The following FAM53A variants were observed in gnomAD, a reference collection of about 807,000 sequenced individuals.
FAM53A encodes protein FAM53A.
In FAM53A, 28 loss-of-function variants were observed where a neutral mutation model predicts 26.6. The observed-to-expected ratio is 1.05, with a 90% CI of 0.78 to 1.45. The LOEUF (loss-of-function observed/expected upper bound fraction) is 1.45. FAM53A is among the 40% of genes most tolerant of loss of function. The pLI, the probability that FAM53A is intolerant of heterozygous loss-of-function variation, is 0.00. For synonymous variants in FAM53A, 290 were observed against 253.1 expected (o/e 1.15, Z -1.38); for missense variants, 650 against 575.8 (o/e 1.13, Z -1.32).
the FAM53A span, among the ~76,000 whole-genome samples, chr4:1,602,575 A>G: frequency 2.6e-5 from 4 of 152,230 alleles, no homozygotes; most frequent in Non-Finnish European, 4.4e-5. Flanking sequence ...AAAATAAACA[A>G]TAAGAGAGCA....
intron 1 of FAM53A, chr4:1,618,142 G>A: frequency 2.2e-6 from 1 of 456,306 alleles, no homozygotes; most frequent in Non-Finnish European, 4.4e-6. Context: ...GGTGAGTGCT[G>A]CCTCTTGGGG....
At chr4:1,637,180 C>A (rs1715881143), downstream of FAM53A, among the ~76,000 whole-genome samples, 1 of 151,330 alleles carries the variant, frequency 6.6e-6, no homozygotes, top group Admixed American at 6.6e-5. Flanking sequence ...CTCCGGCACC[C>A]ATGCTCGGGT....
chr4:1,656,671 G>C (rs927686674), intron 3 of FAM53A, among the ~76,000 whole-genome samples: 2 of 152,176 alleles, frequency 1.3e-5, no homozygotes, highest in East Asian at 3.8e-4. Flanking sequence ...AGGCCCGGCA[G>C]GGGGTGGGGC....
chr4:1,586,509 C>G, the FAM53A span, among the ~76,000 whole-genome samples: 2 of 152,052 alleles, frequency 1.3e-5, no homozygotes, highest in African/African-American at 2.4e-5. Context: ...GGCGCGGTGG[C>G]TCACACCTGT....
chr4:1,646,381 G>C (rs763271568), intron 4 of FAM53A, among the ~76,000 whole-genome samples: 147 of 152,288 alleles, frequency 9.7e-4, no homozygotes, highest in Admixed American at 1.8e-3. Context: ...TTACAGGCGT[G>C]AGCCACTGTG....
chr4:1,607,880 CA>C, the FAM53A span, among the ~76,000 whole-genome samples: 235 of 151,168 alleles, frequency 1.6e-3, no homozygotes, highest in East Asian at 0.016. Flanking sequence ...GCAGAGGTTG[CA>C]GTGAGCCGAG....
intron 3 of FAM53A, 41 bp from the exon 4 acceptor site, chr4:1,655,764 G>A (rs755532437): frequency 1.3e-6 from 2 of 1,496,498 alleles, no homozygotes; most frequent in Non-Finnish European, 1.8e-6. Flanking sequence ...AGAGACAGGT[G>A]AGCCACAGGG....
At chr4:1,683,958 C>A (rs1437735879) in intron 1 of FAM53A, 1 of 152,160 alleles carries the variant, frequency 6.6e-6, no homozygotes, top group Non-Finnish European at 1.5e-5. Flanking sequence ...CCCCGTTTAC[C>A]ACGGCGACTC....
At chr4:1,578,659 C>T in the FAM53A span, among the ~76,000 whole-genome samples, 2 of 149,946 alleles carry the variant, frequency 1.3e-5, no homozygotes, top group African/African-American at 2.5e-5. Context: ...TCGCGACCCC[C>T]CTACCCCGAA....
intron 1 of FAM53A, among the ~76,000 whole-genome samples, chr4:1,623,893 G>A (rs892666947): frequency 1.2e-4 from 18 of 152,304 alleles, no homozygotes; most frequent in South Asian, 2.1e-4. Context: ...TCTGGCGGGC[G>A]GGGAGAAGTG....
the FAM53A span, among the ~76,000 whole-genome samples, chr4:1,579,658 A>T: frequency 6.6e-6 from 1 of 151,242 alleles, no homozygotes; most frequent in East Asian, 1.9e-4. Flanking sequence ...GCGAGGCGTG[A>T]GTGAGTTACG....
chr4:1,637,011 G>A (rs1056666652), downstream of FAM53A, among the ~76,000 whole-genome samples: 3 of 152,222 alleles, frequency 2.0e-5, no homozygotes, highest in African/African-American at 4.8e-5. Flanking sequence ...GCGAGCACGA[G>A]AACAAGGAGC....
downstream of FAM53A, among the ~76,000 whole-genome samples, chr4:1,615,592 C>G (rs555517284): frequency 2.8e-5 from 4 of 145,322 alleles, no homozygotes; most frequent in East Asian, 8.3e-4. Flanking sequence ...TGGGCACGCA[C>G]GGAAGACAGG....
chr4:1,680,481 C>A (rs1715358204), intron 1 of FAM53A, among the ~76,000 whole-genome samples: 1 of 152,144 alleles, frequency 6.6e-6, no homozygotes, highest in Non-Finnish European at 1.5e-5. Context: ...TTGGTATTCA[C>A]CCAAAGGAAC....
the FAM53A span, among the ~76,000 whole-genome samples, chr4:1,602,288 G>T: frequency 2.0e-5 from 3 of 152,242 alleles, no homozygotes; most frequent in Admixed American, 6.5e-5. Flanking sequence ...CCAAATGAAA[G>T]TCTGTTTAGG....
the FAM53A span, among the ~76,000 whole-genome samples, chr4:1,611,473 G>T: frequency 2.6e-5 from 4 of 152,208 alleles, no homozygotes; most frequent in Non-Finnish European, 4.4e-5. Context: ...GAACTGAGCT[G>T]ACCTGCACTG....
At chr4:1,598,666 A>G in the FAM53A span, among the ~76,000 whole-genome samples, 1 of 152,202 alleles carries the variant, frequency 6.6e-6, no homozygotes, top group African/African-American at 2.4e-5. Context: ...AAAAAGAGCC[A>G]CTGATATATG....
intron 1 of FAM53A, among the ~76,000 whole-genome samples, chr4:1,674,582 T>C (rs996367825): frequency 3.3e-5 from 5 of 151,552 alleles, no homozygotes; most frequent in Non-Finnish European, 7.4e-5. Context: ...GGCAGGAGAA[T>C]TGCTTGAACC....
intron 4 of FAM53A, 24 bp downstream of exon 4, chr4:1,654,954 C>A (rs1018424878): frequency 4.0e-6 from 6 of 1,500,680 alleles, no homozygotes; most frequent in African/African-American, 1.4e-5. Context: ...CCCCTCTGAG[C>A]CCCTGGAAAT....
Sources: gnomAD v4.1 joint callset for allele counts (sites outside exome capture counted in the v4.1 genomes callset) on GRCh38, gnomAD v4.1.1 for gene constraint, MANE v1.5 for transcripts, NCBI Gene and HGNC (gene_info 2026-07-23, HGNC 2026-07-21) for gene names.